Variants in PDCD4 observed in about 807,000 individuals in gnomAD.
PDCD4 encodes programmed cell death protein 4.
In PDCD4, 56 loss-of-function variants were observed where a neutral mutation model predicts 54.0. The ratio of observed to expected loss-of-function variants is 1.04; its 90% CI spans 0.84 to 1.30. The LOEUF (loss-of-function observed/expected upper bound fraction) is 1.30, where lower values mean the gene tolerates loss of function less well. Among genes scored for constraint, PDCD4 ranks in the 50% most tolerant of loss-of-function variants. The probability of loss-of-function intolerance (pLI) is 0.00; values close to 1 mark genes in which losing one functional copy is unlikely to be tolerated. For synonymous variants in PDCD4, 186 were observed against 194.8 expected, an observed-to-expected ratio of 0.95 and a Z score of 0.37; for missense variants, 584 against 559.8, an observed-to-expected ratio of 1.04 and a Z score of -0.44.
chr10:110,880,928 T>C (rs1845580324), intron 2 of PDCD4, among the ~76,000 whole-genome samples: 1 of 152,244 alleles, frequency 6.6e-6, no homozygotes, highest in Admixed American at 6.5e-5. Flanking sequence ...ATAGATTTTA[T>C]GATCTAAACG....
chr10:110,896,116 T>G (rs775935506), intron 11 of PDCD4, 29 bp downstream of exon 11: 1 of 1,507,582 alleles, frequency 6.6e-7, no homozygotes, highest in African/African-American at 1.4e-5. Flanking sequence ...ACTTTCTCAA[T>G]GTAAAATAGT....
rs144010782 is a variant in PDCD4, at chr10:110,891,657, GGT to G, written c.990+1000_990+1001del. 7.3e-5 allele frequency among the ~76,000 whole-genome samples: 11 copies of G among 151,546 alleles called. No homozygotes were observed. The East Asian group carries it at 1.7e-3, about 24-fold the overall frequency. ...TGATTTTTAGTAAGTCTTTTAATGAGGTGTGTGTGTGTGTTTGTGTATGTGTA... is the reference window on the plus strand; with the variant it reads ...TGATTTTTAGTAAGTCTTTTAATGAGGTGTGTGTGTGTTTGTGTATGTGTA... On this transcript the variant is annotated intron_variant, in intron 8 of 11. Transcript: ENST00000280154.
chr10:110,880,830 C>G (rs956826075), intron 2 of PDCD4, among the ~76,000 whole-genome samples: 1 of 152,196 alleles, frequency 6.6e-6, no homozygotes, highest in African/African-American at 2.4e-5. Flanking sequence ...ATTAGTTTAT[C>G]TCTCTTCTCA....
Position 110,881,320 on chromosome 10 carries a change from G to C in PDCD4, c.131G>C (p.Trp44Ser). 6.2e-7 allele frequency: 1 copy of C among 1,613,730 alleles called. No individual in the cohort carries two copies. Among genetic ancestry groups the C allele is most frequent in the East Asian group, 2.2e-5 (1 of 44,890 alleles). The change falls in exon 3 of 12, where the codon TGG (tryptophan) becomes TCG (serine). Residue 44 changes from tryptophan (W) to serine (S), a missense_variant. Physicochemically the swap from Trp to Ser is radical, Grantham distance 177. Transcript: ENST00000280154. ...EEIKNEINGN[W>S]ISASSINEAR... is the part of the protein sequence containing the mutation. ...ATAAAGAATGAAATAAATGGAAATTGGATTTCAGCATCCTCCATTAACGAA... is the reference window on the plus strand; with the variant it reads ...ATAAAGAATGAAATAAATGGAAATTCGATTTCAGCATCCTCCATTAACGAA...
rs557552884 is a variant in PDCD4, at chr10:110,874,243, G to T, written c.-62-1723G>T. Among the ~76,000 whole-genome samples, 7 of 152,300 alleles carry T rather than the reference G, an allele frequency of 4.6e-5. No individual in the cohort carries two copies. The South Asian group carries it at 1.2e-3, about 27-fold the overall frequency. On this transcript the variant is annotated intron_variant, in intron 1 of 11. Transcript: ENST00000280154. ...ATACATGTACAATTCTTTTTGAATT[G>T]TAAAGGGCTTTATGAACATCAATTA... is the stretch of plus-strand genomic sequence containing the variant.
chr10:110,880,739 A>G (rs1277811518), intron 2 of PDCD4, among the ~76,000 whole-genome samples: 1 of 152,214 alleles, frequency 6.6e-6, no homozygotes, highest in Non-Finnish European at 1.5e-5. Flanking sequence ...CTTCAATGTT[A>G]TAATAATTAA....
At chr10:110,887,626 T>TA (rs1845687832) in intron 5 of PDCD4, 39 bp from the exon 6 acceptor site, 3 of 1,451,410 alleles carry the variant, frequency 2.1e-6, no homozygotes, top group Non-Finnish European at 2.9e-6. Flanking sequence ...TAGGTAGTGA[T>TA]ACACTTTTAA....
In PDCD4 at chr10:110,885,244, C is replaced by G. The variant is rs1368380767; in HGVS notation, c.442-9C>G. ...TTTTTATAACTCTTACTCCCTTTTCCCCTCAAAGGAGAACTGTGTTTATGA... is the reference window on the plus strand; with the variant it reads ...TTTTTATAACTCTTACTCCCTTTTCGCCTCAAAGGAGAACTGTGTTTATGA... On this transcript the variant is annotated splice_polypyrimidine_tract_variant and intron_variant, in intron 4 of 11. Coordinates refer to ENST00000280154, the MANE Select transcript of PDCD4 (RefSeq NM_014456.5). 1.1e-5 allele frequency: 14 copies of G among 1,325,218 alleles called. No individual in the cohort carries two copies. The highest frequency in any genetic ancestry group is 1.4e-5 in the Non-Finnish European group (13 of 932,298). 82.1% of individuals were successfully genotyped at this position (1,325,218 alleles called of 1,614,324 possible).
intron 2 of PDCD4, among the ~76,000 whole-genome samples, chr10:110,878,213 A>G (rs1170106543): frequency 6.6e-6 from 1 of 152,250 alleles, no homozygotes; most frequent in East Asian, 1.9e-4. Flanking sequence ...AACAAAATAT[A>G]AAGCAATTAA....
chr10:110,887,870 C>G lies in PDCD4; in HGVS notation c.761C>G (p.Thr254Ser), dbSNP rs1394007923. The G allele has an allele frequency of 1.9e-6, 3 of 1,603,862 alleles. No homozygotes were observed. The Admixed American group carries it at 5.0e-5, about 27-fold the overall frequency. The change falls in exon 6 of 12, where the codon ACT becomes AGT. Residue 254 changes from threonine (T) to serine (S), a missense_variant. Physicochemically the swap from Thr to Ser is moderately conservative, Grantham distance 58. Transcript: ENST00000280154. ...LKDLPELALD[T>S]PRAPQLVGQF... ...GATCTACCTGAATTAGCACTGGATA[C>G]TCCTAGAGCACCACAGGTTTGTATG...
At chr10:110,885,463 AATTTAATC>A in intron 5 of PDCD4, 97 bp downstream of exon 5, 1 of 544,360 alleles carries the variant, frequency 1.8e-6, no homozygotes, top group Non-Finnish European at 3.3e-6. Flanking sequence ...TCACTGAATA[AATTTAATC>A]ATTTTCTTTT....
chr10:110,883,029 G>C lies in PDCD4; in HGVS notation c.373G>C (p.Gly125Arg), dbSNP rs1294447935. Residue 125 changes from glycine (G) to arginine (R), a missense_variant, in exon 4 of 12, where the codon GGT becomes CGT. Transcript: ENST00000280154. ...KGGAGGKGVW[G>R]TPGQVYDVEE... Reference sequence around the variant, plus strand: ...TGGTGCAGGAGGCAAAGGTGTCTGGGGTACACCTGGACAGGTGTATGATGT... The same window carrying C: ...TGGTGCAGGAGGCAAAGGTGTCTGGCGTACACCTGGACAGGTGTATGATGT... 1 of 1,600,148 alleles carries C rather than the reference G, an allele frequency of 6.2e-7. No individual in the cohort carries two copies. The highest frequency in any genetic ancestry group is 8.5e-7 in the Non-Finnish European group (1 of 1,173,694).
At chr10:110,894,029 A>T in intron 8 of PDCD4, 62 bp from the exon 9 acceptor site, 1 of 960,262 alleles carries the variant, frequency 1.0e-6, no homozygotes, top group Non-Finnish European at 1.7e-6. Flanking sequence ...ATAATCCTGT[A>T]GGCAAGCACG....
At chr10:110,886,595 C>T (rs1845673179) in intron 5 of PDCD4, among the ~76,000 whole-genome samples, 1 of 152,134 alleles carries the variant, frequency 6.6e-6, no homozygotes, top group Admixed American at 6.6e-5. Context: ...GGAGGGCACT[C>T]TAACTGAATT....
chr10:110,885,036 A>AC, intron 4 of PDCD4: 1 of 356,770 alleles, frequency 2.8e-6, no homozygotes, highest in East Asian at 4.6e-5. Context: ...CCTCAAGTGA[A>AC]CCTCCCGCCT....
Position 110,889,215 on chromosome 10 carries a change from C to T in PDCD4, c.778-318C>T, listed in dbSNP as rs567975343. 4.3e-5 allele frequency among the ~76,000 whole-genome samples: 4 copies of T among 93,488 alleles called. No homozygotes were observed. The East Asian group carries it at 8.6e-4, about 20-fold the overall frequency. The allele number at this position is 93,488 out of a possible 152,430, so 61.3% of individuals were successfully genotyped here. On this transcript the variant is annotated intron_variant, in intron 6 of 11. Transcript: ENST00000280154. ...CCAGCCTGGGCGACAGAGCGAGACT[C>T]TGTCTCAAAAAAAAAAAAAAAAAAA...
chr10:110,883,230 A>G, intron 4 of PDCD4, 133 bp downstream of exon 4: 1 of 600,570 alleles, frequency 1.7e-6, no homozygotes, highest in African/African-American at 2.0e-5. Context: ...GTAAACTGAC[A>G]GTAATACATG....
chr10:110,876,461 T>G (rs139645583), intron 2 of PDCD4, among the ~76,000 whole-genome samples: 152 of 152,354 alleles, frequency 1.0e-3, no homozygotes, highest in African/African-American at 3.5e-3. Context: ...GTGATTTTTA[T>G]TTTCATGGAA....
At chr10:110,895,176 C>T (rs183517997) in intron 10 of PDCD4, among the ~76,000 whole-genome samples, 64 of 152,084 alleles carry the variant, frequency 4.2e-4, no homozygotes, top group African/African-American at 1.5e-3. Context: ...GATCCTGTCC[C>T]TCAGGTAGTA....
Sources: allele counts gnomAD v4.1 joint callset (sites outside exome capture counted in the v4.1 genomes callset), GRCh38; gene constraint gnomAD v4.1.1; transcripts MANE v1.5; gene names NCBI Gene and HGNC (gene_info 2026-07-23, HGNC 2026-07-21).